CNTN4: variants seen among roughly 807,000 people sequenced by gnomAD.
The protein encoded by CNTN4 is contactin 4.
CNTN4 carries 77 observed loss-of-function variants against 122.5 expected under a neutral mutation model. The ratio of observed to expected loss-of-function variants is 0.63; its 90% CI spans 0.52 to 0.76. CNTN4 has a LOEUF of 0.76. Among genes scored for constraint, CNTN4 ranks in the 30% least tolerant of loss-of-function variants. The pLI is 0.00. For missense variants in CNTN4, 1,256 were observed against 1,259.1 expected (o/e 1.00, Z 0.04); for synonymous variants, 512 against 447.0 (o/e 1.15, Z -1.83).
intron 3 of CNTN4, among the ~76,000 whole-genome samples, chr3:2,430,087 G>C (rs557215261): frequency 6.6e-6 from 1 of 152,082 alleles, no homozygotes; most frequent in South Asian, 2.1e-4. Flanking sequence ...TGTACCCGCT[G>C]TCCGACAATC....
At chr3:2,752,581 C>T (rs971874409) in intron 6 of CNTN4, among the ~76,000 whole-genome samples, 1 of 152,112 alleles carries the variant, frequency 6.6e-6, no homozygotes, top group Non-Finnish European at 1.5e-5. Flanking sequence ...GAACTCCTGA[C>T]CTCAGGTGAT....
At chr3:2,908,625 A>C (rs542276539) in intron 12 of CNTN4, among the ~76,000 whole-genome samples, 1 of 152,302 alleles carries the variant, frequency 6.6e-6, no homozygotes, top group East Asian at 1.9e-4. Flanking sequence ...TTTTTAAAAA[A>C]TCTCCATGTT....
intron 4 of CNTN4, among the ~76,000 whole-genome samples, chr3:2,666,521 T>C (rs1480334311): frequency 6.6e-6 from 1 of 152,234 alleles, no homozygotes; most frequent in Non-Finnish European, 1.5e-5. Flanking sequence ...ATTTATTTTA[T>C]CTATGTTAGC....
At chr3:2,567,855 C>A (rs1408043305) in intron 3 of CNTN4, among the ~76,000 whole-genome samples, 1 of 152,102 alleles carries the variant, frequency 6.6e-6, no homozygotes, top group Non-Finnish European at 1.5e-5. Context: ...GAAACTCCTG[C>A]CCTACCCTAC....
chr3:2,457,463 G>T (rs1266405274), intron 3 of CNTN4, among the ~76,000 whole-genome samples: 1 of 152,068 alleles, frequency 6.6e-6, no homozygotes, highest in Non-Finnish European at 1.5e-5. Flanking sequence ...TATATACAGG[G>T]TTAAAAATCC....
chr3:3,012,017 A>T (rs1003334911), intron 14 of CNTN4, among the ~76,000 whole-genome samples: 39 of 152,184 alleles, frequency 2.6e-4, no homozygotes, highest in African/African-American at 9.4e-4. Context: ...AAATTAACTG[A>T]CTTACAAGTC....
intron 3 of CNTN4, among the ~76,000 whole-genome samples, chr3:2,492,726 G>C (rs534955563): frequency 2.6e-5 from 4 of 152,224 alleles, no homozygotes; most frequent in African/African-American, 9.6e-5. Context: ...TTCTGTTTAA[G>C]AGACTGCAAT....
intron 24 of CNTN4, among the ~76,000 whole-genome samples, chr3:3,055,784 A>G (rs1701729384): frequency 6.6e-6 from 1 of 152,236 alleles, no homozygotes; most frequent in Non-Finnish European, 1.5e-5. Context: ...AGAAAGATAG[A>G]GTTCAAAAGG....
intron 13 of CNTN4, among the ~76,000 whole-genome samples, chr3:2,935,569 T>C (rs927637521): frequency 2.6e-5 from 4 of 152,204 alleles, no homozygotes; most frequent in African/African-American, 7.2e-5. Flanking sequence ...ATCTGTCACG[T>C]ATCTCCCTGG....
intron 14 of CNTN4, among the ~76,000 whole-genome samples, chr3:3,019,765 A>T (rs1245799720): frequency 7.2e-6 from 1 of 138,038 alleles, no homozygotes; most frequent in South Asian, 2.4e-4. Context: ...TGTGTACACA[A>T]ATATATATAT....
chr3:2,378,406 T>G (rs1176247003), intron 3 of CNTN4, among the ~76,000 whole-genome samples: 1 of 152,108 alleles, frequency 6.6e-6, no homozygotes, highest in Non-Finnish European at 1.5e-5. Context: ...TCACACTGGT[T>G]AGAAGTCAGT....
At chr3:2,239,523 C>G (rs1230664315) in intron 2 of CNTN4, among the ~76,000 whole-genome samples, 6 of 151,978 alleles carry the variant, frequency 3.9e-5, no homozygotes, top group African/African-American at 7.2e-5. Flanking sequence ...CCTGATCTTG[C>G]TCTTACAAGC....
intron 3 of CNTN4, among the ~76,000 whole-genome samples, chr3:2,542,635 A>G (rs1410615471): frequency 1.3e-5 from 2 of 152,178 alleles, no homozygotes; most frequent in Non-Finnish European, 2.9e-5. Flanking sequence ...AAATATTTCC[A>G]GATTCGTTTC....
At chr3:2,561,147 G>A (rs2078936554) in intron 3 of CNTN4, among the ~76,000 whole-genome samples, 1 of 152,064 alleles carries the variant, frequency 6.6e-6, no homozygotes, top group South Asian at 2.1e-4. Context: ...TAATATATTA[G>A]GTATTAGAGT....
chr3:3,055,576 T>C (rs1211642095), intron 24 of CNTN4, among the ~76,000 whole-genome samples: 1 of 152,216 alleles, frequency 6.6e-6, no homozygotes, highest in Non-Finnish European at 1.5e-5. Flanking sequence ...GAGGCTATTT[T>C]GTTTGCAGAA....
rs562081863 is a variant in CNTN4 at position 2,568,192 on chromosome 3, G to A, written c.-88-3224G>A. 9.2e-5 allele frequency among the ~76,000 whole-genome samples: 14 copies of A among 152,030 alleles called. No individual in the cohort carries two copies. In the South Asian group the frequency reaches 2.7e-3, roughly 29 times the overall value. On this transcript the variant is annotated intron_variant, in intron 3 of 24. Coordinates refer to ENST00000418658, the MANE Select transcript of CNTN4 (RefSeq NM_175607.3). ...CCTGCATGTAGATTCTTGGAAACCA[G>A]GACTCTTAAGGGAAAACTGATTCAT...
At chr3:2,995,680 G>A (rs1003275325) in intron 14 of CNTN4, among the ~76,000 whole-genome samples, 1 of 152,148 alleles carries the variant, frequency 6.6e-6, no homozygotes, top group Non-Finnish European at 1.5e-5. Context: ...GGCAATGTAA[G>A]CATCTGTGTG....
intron 14 of CNTN4, among the ~76,000 whole-genome samples, chr3:3,025,576 T>C (rs1013298719): frequency 3.9e-5 from 6 of 152,102 alleles, no homozygotes; most frequent in African/African-American, 1.4e-4. Flanking sequence ...ACCATGAAAA[T>C]AGATGTTTTA....
intron 7 of CNTN4, among the ~76,000 whole-genome samples, chr3:2,851,891 T>A (rs1234077204): frequency 6.6e-6 from 1 of 152,218 alleles, no homozygotes; most frequent in African/African-American, 2.4e-5. Flanking sequence ...ATTTAATCCT[T>A]CTTTAGATAG....
Sources: gnomAD v4.1 joint callset for allele counts (sites outside exome capture counted in the v4.1 genomes callset) on GRCh38, gnomAD v4.1.1 for gene constraint, MANE v1.5 for transcripts, NCBI Gene and HGNC (gene_info 2026-07-23, HGNC 2026-07-21) for gene names.